Variants in THBS4 observed in about 807,000 individuals in gnomAD.
THBS4 encodes thrombospondin 4.
Under a neutral mutation model 115.7 loss-of-function variants are expected in THBS4, and 90 were observed. The observed-to-expected ratio is 0.78, with a 90% confidence interval of 0.66 to 0.93. The LOEUF (loss-of-function observed/expected upper bound fraction) is 0.93. Ranked by LOEUF, THBS4 falls within the 40% of genes least tolerant of loss-of-function variation. THBS4 has a pLI of 0.00. For synonymous variants in THBS4, 460 were observed against 479.3 expected (o/e 0.96, Z 0.53); for missense variants, 1,087 against 1,232.7 (o/e 0.88, Z 1.77).
chr5:80,044,561 T>C (rs892433892), intron 2 of THBS4, among the ~76,000 whole-genome samples: 5 of 152,080 alleles, frequency 3.3e-5, no homozygotes, highest in Admixed American at 1.3e-4. Flanking sequence ...TAGCTGGAAC[T>C]ACATGTGCGC....
chr5:79,991,664 G>T (rs1831675604), intron 1 of THBS4, among the ~76,000 whole-genome samples: 1 of 152,176 alleles, frequency 6.6e-6, no homozygotes, highest in South Asian at 2.1e-4. Context: ...GCCTCTGCCT[G>T]CCTTTCCAGC....
intron 2 of THBS4, among the ~76,000 whole-genome samples, chr5:80,048,519 T>G (rs1833146384): frequency 6.6e-6 from 1 of 152,214 alleles, no homozygotes; most frequent in Non-Finnish European, 1.5e-5. Flanking sequence ...GCACACTCAC[T>G]GCTTTGTTGT....
intron 3 of THBS4, 102 bp from the exon 4 acceptor site, chr5:80,058,104 A>G: frequency 1.2e-6 from 1 of 816,038 alleles, no homozygotes; most frequent in East Asian, 2.7e-5. Flanking sequence ...CAGAGGGTCC[A>G]AGTATACAGG....
At position 80,055,322 on chromosome 5, in the gene THBS4, T is replaced by TAA. The variant is rs56014842; in HGVS notation, c.293-450_293-449dup. ...GGGGGACAGAGTGAGATCCTGTCTT[T>TAA]AAAAAAAAAAAAAAGGGAAGAAATC... On this transcript the variant is annotated intron_variant, in intron 2 of 21. Transcript: ENST00000350881. Among the ~76,000 whole-genome samples, 1,272 of 140,038 alleles carry TAA rather than the reference T, an allele frequency of 9.1e-3. 15 individuals carry two copies. Among genetic ancestry groups the TAA allele is most frequent in the Non-Finnish European group, 0.016 (999 of 64,140 alleles). 91.9% of individuals were successfully genotyped at this position (140,038 alleles called of 152,430 possible).
intron 2 of THBS4, among the ~76,000 whole-genome samples, chr5:80,000,783 G>A (rs1831883058): frequency 6.6e-6 from 1 of 152,118 alleles, no homozygotes; most frequent in Non-Finnish European, 1.5e-5. Flanking sequence ...AAATATCCAG[G>A]AGAGAGGCTT....
chr5:80,005,121 A>G (rs1013850419), intron 2 of THBS4, among the ~76,000 whole-genome samples: 1 of 152,242 alleles, frequency 6.6e-6, no homozygotes, highest in Admixed American at 6.5e-5. Context: ...CAAAGGTCAC[A>G]CGGAAAAGTT....
rs6889646 is a variant in THBS4, at chr5:80,071,659, C to T, written c.1720+479C>T. 1.4e-4 allele frequency: 17 copies of T among 120,094 alleles called. No individual in the cohort carries two copies. In the South Asian group the frequency reaches 2.2e-3, roughly 16 times the overall value. The allele number at this position is 120,094 out of a possible 1,614,324, so 7.4% of individuals were successfully genotyped here. ...CCACCTGCCCCAACACACACATACA[C>T]ACACACACACACACACACACACACA... On this transcript the variant is annotated intron_variant, in intron 13 of 21. Coordinates refer to ENST00000350881, the MANE Select transcript of THBS4 (RefSeq NM_003248.6).
intron 5 of THBS4, 112 bp downstream of exon 5, chr5:80,058,902 C>G: frequency 9.5e-7 from 1 of 1,056,632 alleles, no homozygotes; most frequent in East Asian, 2.5e-5. Flanking sequence ...TGAGCCAGAT[C>G]TCCGGGGGCC....
chr5:79,995,071 C>T (rs371195017), intron 1 of THBS4, among the ~76,000 whole-genome samples: 7 of 152,150 alleles, frequency 4.6e-5, no homozygotes, highest in African/African-American at 1.4e-4. Context: ...GATGAGTAAA[C>T]GAATGCTGGG....
Position 79,997,582 on chromosome 5 carries a change from C to T in THBS4, n.82-750C>T, listed in dbSNP as rs188408720. Among the ~76,000 whole-genome samples the T allele has an allele frequency of 1.6e-4, 24 of 152,114 alleles. No individual in the cohort carries two copies. In the South Asian group the frequency reaches 4.4e-3, roughly 28 times the overall value. Reference sequence around the variant, plus strand: ...CTATAACATAAGCTATAGTTATACCCGACACTCAGCAATTGATAGAACTAC... The same window carrying T: ...CTATAACATAAGCTATAGTTATACCTGACACTCAGCAATTGATAGAACTAC... On this transcript the variant is annotated intron_variant and non_coding_transcript_variant, in intron 1 of 3. Transcript: ENST00000510218.
At position 80,015,318 on chromosome 5, in the gene THBS4, G is replaced by A. The variant is rs548218174; in HGVS notation, n.177+16891G>A. ...TCTCAGGTATGGGCTTCCCTTAGATGATCCAGCTATCAGGTTCTGCCAAGG... is the reference window on the plus strand; with the variant it reads ...TCTCAGGTATGGGCTTCCCTTAGATAATCCAGCTATCAGGTTCTGCCAAGG... On this transcript the variant is annotated intron_variant and non_coding_transcript_variant, in intron 2 of 3. Coordinates refer to the THBS4 transcript ENST00000510218. 5.9e-5 allele frequency among the ~76,000 whole-genome samples: 9 copies of A among 152,286 alleles called. No individual in the cohort carries two copies. In the South Asian group the frequency reaches 1.9e-3, roughly 32 times the overall value.
Position 80,073,257 on chromosome 5 carries a change from G to A in THBS4, c.1840-18G>A. ...ATGCAGGCCCAGGAATAAATAACAT[G>A]TGCTGTTCTCTTTGCAGTCTGATGT... On this transcript the variant is annotated intron_variant, in intron 14 of 21. Coordinates refer to ENST00000350881, the MANE Select transcript of THBS4 (RefSeq NM_003248.6). 6.2e-7 allele frequency: 1 copy of A among 1,613,642 alleles called. No individual in the cohort carries two copies. Among genetic ancestry groups the A allele is most frequent in the Non-Finnish European group, 8.5e-7 (1 of 1,179,660 alleles).
chr5:80,061,409 T>A (rs1259751000), intron 7 of THBS4, among the ~76,000 whole-genome samples: 1 of 152,196 alleles, frequency 6.6e-6, no homozygotes, highest in Non-Finnish European at 1.5e-5. Context: ...CATGTCAGAA[T>A]ATCAGGGAGC....
intron 1 of THBS4, among the ~76,000 whole-genome samples, chr5:79,992,914 G>T (rs1831715089): frequency 6.6e-6 from 1 of 152,202 alleles, no homozygotes; most frequent in South Asian, 2.1e-4. Context: ...TCCCTGTTTT[G>T]AGGGTTAGAA....
chr5:80,078,299 T>C lies in THBS4; in HGVS notation c.2265+72T>C, dbSNP rs1580991932. On this transcript the variant is annotated intron_variant, in intron 17 of 21. Transcript: ENST00000350881. ...AGGCCCTTCTGATAGTGGTAGGTCA[T>C]GTTTAGAGGGTGCAGACAATAAGCC... The C allele has an allele frequency of 5.3e-6, 7 of 1,328,106 alleles. No individual in the cohort carries two copies. The Admixed American group carries it at 1.1e-4, about 20-fold the overall frequency. 82.3% of individuals were successfully genotyped at this position (1,328,106 alleles called of 1,614,324 possible).
At chr5:80,049,670 T>C (rs1031797224) in intron 2 of THBS4, among the ~76,000 whole-genome samples, 3 of 152,178 alleles carry the variant, frequency 2.0e-5, no homozygotes, top group Non-Finnish European at 4.4e-5. Flanking sequence ...CCTCAGATAC[T>C]ATGGGATGTG....
intron 2 of THBS4, among the ~76,000 whole-genome samples, chr5:79,998,712 T>G (rs1250130597): frequency 6.6e-6 from 1 of 152,182 alleles, no homozygotes; most frequent in Non-Finnish European, 1.5e-5. Flanking sequence ...TATACTTAAT[T>G]GAAATTAGAT....
At chr5:80,006,203 C>T (rs1832014903) in intron 2 of THBS4, among the ~76,000 whole-genome samples, 1 of 152,082 alleles carries the variant, frequency 6.6e-6, no homozygotes, top group Non-Finnish European at 1.5e-5. Flanking sequence ...GGTCAGCTTC[C>T]CTCTTGATAT....
intron 2 of THBS4, among the ~76,000 whole-genome samples, chr5:80,006,605 G>T (rs1832024004): frequency 1.3e-5 from 2 of 152,108 alleles, no homozygotes; most frequent in Non-Finnish European, 2.9e-5. Context: ...TGGTTGTCTT[G>T]CCACTCACTG....
Sources: allele counts gnomAD v4.1 joint callset (sites outside exome capture counted in the v4.1 genomes callset), GRCh38; gene constraint gnomAD v4.1.1; transcripts MANE v1.5; gene names NCBI Gene and HGNC (gene_info 2026-07-23, HGNC 2026-07-21).